The following VPS13D variants were observed in gnomAD, a reference collection of about 807,000 sequenced individuals.
The protein encoded by VPS13D is intermembrane lipid transfer protein VPS13D.
VPS13D carries 187 observed loss-of-function variants against 461.9 expected under a neutral mutation model. The ratio of observed to expected loss-of-function variants is 0.40; its 90% CI spans 0.36 to 0.46. VPS13D has a LOEUF of 0.46. Among genes scored for constraint, VPS13D ranks in the 20% least tolerant of loss-of-function variants. The probability of loss-of-function intolerance (pLI) is 0.60; values close to 1 mark genes in which losing one functional copy is unlikely to be tolerated. For synonymous variants in VPS13D, 1,951 were observed against 1,986.3 expected, an observed-to-expected ratio of 0.98 and a Z score of 0.47; for missense variants, 4,711 against 5,364.9, an observed-to-expected ratio of 0.88 and a Z score of 3.81.
chr1:12,238,775 A>G (rs1416584464), intron 2 of VPS13D, among the ~76,000 whole-genome samples: 3 of 151,810 alleles, frequency 2.0e-5, no homozygotes, highest in Non-Finnish European at 2.9e-5. Flanking sequence ...AGCTGGGACT[A>G]CAGGTGCATG....
At chr1:12,254,160 T>C (rs1317063075) in intron 7 of VPS13D, among the ~76,000 whole-genome samples, 2 of 152,238 alleles carry the variant, frequency 1.3e-5, no homozygotes, top group African/African-American at 4.8e-5. Context: ...TTCCACCGTT[T>C]GCATGTTCAC....
Position 12,277,310 on chromosome 1 carries a change from C to G in VPS13D, c.3722C>G (p.Ser1241Cys). The G allele has an allele frequency of 6.2e-7, 1 of 1,614,196 alleles. No individual in the cohort carries two copies. The highest frequency in any genetic ancestry group is 1.1e-5 in the South Asian group (1 of 91,080). ...CAGTATGTTGTCAGCATTGGGAATT[C>G]TGTAGGCTATGAAAATATCATCAGT... Reference protein sequence around the residue: ...KNQYVVSIGNSVGYENIISDI... With the variant: ...KNQYVVSIGNCVGYENIISDI... Residue 1241 changes from serine to cysteine, a missense_variant, in exon 19 of 70, where the codon TCT (serine) becomes TGT (cysteine). Physicochemically the swap from Ser to Cys is moderately radical, Grantham distance 112 (BLOSUM62 -1). Transcript: ENST00000620676.
At chr1:12,245,421 TAAGTAG>T (rs1470088612) in intron 5 of VPS13D, among the ~76,000 whole-genome samples, 4 of 152,242 alleles carry the variant, frequency 2.6e-5, no homozygotes, top group African/African-American at 9.6e-5. Context: ...TATCTTAGTT[TAAGTAG>T]TTTTATTGAG....
Position 12,266,200 on chromosome 1 carries a change from A to C in VPS13D, c.1595-681A>C, listed in dbSNP as rs567035068. 2.6e-4 allele frequency among the ~76,000 whole-genome samples: 39 copies of C among 152,328 alleles called. 1 individual carries two copies. The South Asian group carries it at 8.1e-3, about 32-fold the overall frequency. On this transcript the variant is annotated intron_variant, in intron 13 of 69. Coordinates refer to ENST00000620676, the MANE Select transcript of VPS13D (RefSeq NM_015378.4). ...ACAAAATAAAAAAGGAAATGACAAT[A>C]AAGTTTTTAGGATACTAAATCAACT...
intron 2 of VPS13D, among the ~76,000 whole-genome samples, chr1:12,235,306 C>T (rs532077220): frequency 2.0e-5 from 3 of 152,250 alleles, no homozygotes; most frequent in Non-Finnish European, 2.9e-5. Context: ...CGGCCAGGCG[C>T]GGTGGCTCAT....
At chr1:12,405,500 C>G (rs960936921) in intron 63 of VPS13D, among the ~76,000 whole-genome samples, 2 of 152,144 alleles carry the variant, frequency 1.3e-5, no homozygotes, top group South Asian at 2.1e-4. Context: ...GGGTGGCAAA[C>G]TGGGGCCAAG....
At position 12,385,308 on chromosome 1, in the gene VPS13D, G is replaced by A. The variant is rs1557748138; in HGVS notation, c.11419G>A (p.Glu3807Lys). The A allele has an allele frequency of 1.9e-6, 3 of 1,614,014 alleles. No homozygotes were observed. The highest frequency in any genetic ancestry group is 2.5e-6 in the Non-Finnish European group (3 of 1,179,918). The change falls in exon 59 of 70, where the codon GAA becomes AAA. Residue 3807 changes from glutamate (E) to lysine (K), a missense_variant. Physicochemically the swap from Glu to Lys is moderately conservative, Grantham distance 56 (BLOSUM62 1). This residue lies in a region of VPS13D where 4,411 missense variants were observed against 4,937.8 expected (regional missense o/e 0.89). Coordinates refer to ENST00000620676, the MANE Select transcript of VPS13D (RefSeq NM_015378.4). ...AAGCAGCCGTTCATATGAAGTGGAT[G>A]AACTTCCTGTCACCGAACAAGAGCT... ...RKSSRSYEVD[E>K]LPVTEQELQK...
chr1:12,419,938 T>C (rs1452887749), intron 65 of VPS13D, among the ~76,000 whole-genome samples: 1 of 152,116 alleles, frequency 6.6e-6, no homozygotes, highest in East Asian at 1.9e-4. Context: ...CTGTACAGCA[T>C]GTTAAAGATA....
At chr1:12,297,057 AT>A (rs1337203972) in intron 24 of VPS13D, among the ~76,000 whole-genome samples, 3 of 152,242 alleles carry the variant, frequency 2.0e-5, no homozygotes, top group African/African-American at 7.2e-5. Flanking sequence ...AGAATCTTTA[AT>A]TCTAGCTGTT....
intron 36 of VPS13D, among the ~76,000 whole-genome samples, chr1:12,328,966 C>A (rs1437832631): frequency 6.6e-6 from 1 of 152,204 alleles, no homozygotes; most frequent in Admixed American, 6.5e-5. Context: ...TGAATCTGGC[C>A]TCTTGCACAT....
chr1:12,251,595 C>T (rs1192154877), intron 6 of VPS13D, among the ~76,000 whole-genome samples: 1 of 152,170 alleles, frequency 6.6e-6, no homozygotes, highest in Admixed American at 6.6e-5. Flanking sequence ...TGAGAGTAAC[C>T]ACGTTTCTAA....
rs188233659 is a variant in VPS13D at position 12,460,029 on chromosome 1, T to G, written c.12467-172T>G. On this transcript the variant is annotated intron_variant, in intron 66 of 69. Transcript: ENST00000620676. ...AACATATATCCTCTGACTCTGGACT[T>G]AATGGGCAAATCTGCAGGATCCTCT... Among the ~76,000 whole-genome samples the G allele has an allele frequency of 1.8e-4, 27 of 151,622 alleles. No individual in the cohort carries two copies. The East Asian group carries it at 5.2e-3, about 29-fold the overall frequency.
intron 66 of VPS13D, among the ~76,000 whole-genome samples, chr1:12,456,636 CAAAAAAAAAAAAA>C (rs367987300): frequency 7.4e-4 from 62 of 83,662 alleles, no homozygotes; most frequent in Non-Finnish European, 1.1e-3. Context: ...GACTCCAATT[CAAAAAAAAAAAAA>C]AAAAAAAAAA....
intron 63 of VPS13D, among the ~76,000 whole-genome samples, chr1:12,406,647 C>T (rs1324453568): frequency 1.3e-5 from 2 of 152,122 alleles, no homozygotes; most frequent in African/African-American, 4.8e-5. Context: ...GATAATAGTC[C>T]CATTTCACAA....
chr1:12,456,271 A>T (rs966107430), intron 66 of VPS13D, 141 bp downstream of exon 66: 44 of 1,281,610 alleles, frequency 3.4e-5, no homozygotes, highest in Non-Finnish European at 4.5e-5. Context: ...TGGGAGGCCT[A>T]GGAGAGTGGA....
rs762030710 is a variant in VPS13D, at chr1:12,415,136, T to A, written c.12080T>A (p.Val4027Glu). Residue 4027 changes from valine (V) to glutamate (E), a missense_variant, in exon 64 of 70, where the codon GTG becomes GAG. Val to Glu is a moderately radical substitution (Grantham distance 121). Around this residue, in one of 3 missense-constraint regions of VPS13D, gnomAD observed 4,411 missense variants for 4,937.8 expected, o/e 0.89. Transcript: ENST00000620676. ...GFPLIRFEDA[V>E]INLDPFTRVH... ...CCTTTGATACGGTTTGAAGACGCTG[T>A]GATTAATCTAGATCCATTCACTCGG... The A allele has an allele frequency of 1.2e-5, 19 of 1,614,026 alleles. No individual in the cohort carries two copies. Among genetic ancestry groups the A allele is most frequent in the Non-Finnish European group, 1.5e-5 (18 of 1,180,006 alleles).
At chr1:12,367,802 T>C (rs1367603874) in intron 52 of VPS13D, 1 of 152,188 alleles carries the variant, frequency 6.6e-6, no homozygotes, top group Non-Finnish European at 1.5e-5. Flanking sequence ...AGAGACGCAG[T>C]TTCGCTGTGT....
intron 65 of VPS13D, among the ~76,000 whole-genome samples, chr1:12,449,296 G>A (rs1005689219): frequency 6.6e-6 from 1 of 151,858 alleles, no homozygotes; most frequent in Non-Finnish European, 1.5e-5. Context: ...CCATAACCAA[G>A]TAGAACTGAA....
chr1:12,385,908 A>G (rs1443356223), intron 59 of VPS13D, among the ~76,000 whole-genome samples: 4 of 152,236 alleles, frequency 2.6e-5, no homozygotes, highest in African/African-American at 9.6e-5. Context: ...TTAGATTTCT[A>G]TAATGAAATG....
Sources: allele counts gnomAD v4.1 joint callset (sites outside exome capture counted in the v4.1 genomes callset), GRCh38; gene constraint gnomAD v4.1.1; regional missense constraint gnomAD v4.1.1; transcripts MANE v1.5; gene names NCBI Gene and HGNC (gene_info 2026-07-23, HGNC 2026-07-21).